PPP1R9A: variants seen among roughly 807,000 people sequenced by gnomAD.
The protein encoded by PPP1R9A is neurabin-1.
PPP1R9A carries 59 observed loss-of-function variants against 141.9 expected under a neutral mutation model. The observed-to-expected ratio is 0.42, with a 90% CI of 0.34 to 0.52. The LOEUF is 0.52. Ranked by LOEUF, PPP1R9A falls within the 20% of genes least tolerant of loss-of-function variation. PPP1R9A has a pLI of 0.10. For missense variants in PPP1R9A, 1,444 were observed against 1,611.9 expected, an observed-to-expected ratio of 0.90 and a Z score of 1.78; for synonymous variants, 500 against 569.7, an observed-to-expected ratio of 0.88 and a Z score of 1.74.
chr7:94,910,268 A>T lies in PPP1R9A; in HGVS notation c.155A>T (p.Gln52Leu), dbSNP rs539662693. The change falls in exon 2 of 20, where the codon CAG (glutamine) becomes CTG (leucine). Residue 52 changes from glutamine (Q) to leucine (L), a missense_variant. This residue lies in a region of PPP1R9A where 490 missense variants were observed against 521.1 expected (regional missense o/e 0.94). Coordinates refer to ENST00000433360, the MANE Select transcript of PPP1R9A (RefSeq NM_001166160.2). The surrounding 1 kb of genome is among the most constrained non-coding windows in gnomAD (Gnocchi z 4.5). ...AAAACAAAAGAAGGTGAGGGCTCCCAGCAGAGCAGGGGGAGGAAATATGGC... is the reference window on the plus strand; with the variant it reads ...AAAACAAAAGAAGGTGAGGGCTCCCTGCAGAGCAGGGGGAGGAAATATGGC... ...EQKTKEGEGS[Q>L]QSRGRKYGSN... 74 of 1,614,156 alleles carry T rather than the reference A, an allele frequency of 4.6e-5. 1 individual carries two copies. In the East Asian group the frequency reaches 1.6e-3, roughly 35 times the overall value.
intron 2 of PPP1R9A, among the ~76,000 whole-genome samples, chr7:95,013,682 G>A (rs1176336941): frequency 1.3e-5 from 2 of 152,056 alleles, no homozygotes; most frequent in African/African-American, 2.4e-5. Context: ...ATTAGTGCTT[G>A]TGCTTATTAA....
At chr7:95,144,750 A>T (rs1332484948) in intron 4 of PPP1R9A, among the ~76,000 whole-genome samples, 1 of 152,232 alleles carries the variant, frequency 6.6e-6, no homozygotes, top group Admixed American at 6.5e-5. Context: ...GACAAGAAAA[A>T]GAAGTAAAAG....
In PPP1R9A at chr7:95,295,925, C is replaced by T. The variant is rs985959943; in HGVS notation, c.*5622C>T. The T allele has an allele frequency of 2.0e-5, 3 of 152,568 alleles. No homozygotes were observed. The highest frequency in any genetic ancestry group is 4.4e-5 in the Non-Finnish European group (3 of 68,008). The allele number at this position is 152,568 out of a possible 1,614,324, so 9.5% of individuals were successfully genotyped here. ...ATATTTTTTAATGGTGTTGCAACCACTTGTACACCTGCTACACCTTACTGA... is the reference window on the plus strand; with the variant it reads ...ATATTTTTTAATGGTGTTGCAACCATTTGTACACCTGCTACACCTTACTGA... On this transcript the variant is annotated 3_prime_UTR_variant, in exon 20 of 20. Coordinates refer to ENST00000433360, the MANE Select transcript of PPP1R9A (RefSeq NM_001166160.2).
intron 2 of PPP1R9A, among the ~76,000 whole-genome samples, chr7:94,945,879 T>C (rs1465930807): frequency 2.0e-5 from 3 of 152,066 alleles, no homozygotes; most frequent in Non-Finnish European, 4.4e-5. Flanking sequence ...TTTAATATAC[T>C]TTACTAGATC....
chr7:95,263,934 T>G (rs1800846025), intron 12 of PPP1R9A, among the ~76,000 whole-genome samples: 1 of 152,178 alleles, frequency 6.6e-6, no homozygotes. Flanking sequence ...ATATATAATC[T>G]TCATAGCAAT....
At chr7:94,932,934 T>G in intron 2 of PPP1R9A, among the ~76,000 whole-genome samples, 1 of 152,074 alleles carries the variant, frequency 6.6e-6, no homozygotes, top group East Asian at 1.9e-4. Context: ...ACTAAAGATG[T>G]GACTATATGA....
intron 2 of PPP1R9A, among the ~76,000 whole-genome samples, chr7:94,915,928 G>A (rs1159772539): frequency 2.6e-5 from 4 of 152,214 alleles, no homozygotes; most frequent in Admixed American, 2.6e-4. Context: ...GGTGTCTTCA[G>A]TAGATGACTG....
chr7:94,923,093 T>C (rs1415525988), intron 2 of PPP1R9A, among the ~76,000 whole-genome samples: 1 of 152,194 alleles, frequency 6.6e-6, no homozygotes, highest in Admixed American at 6.5e-5. Context: ...TGCATATTTC[T>C]TAAACCTTGG....
At chr7:95,274,016 C>T in intron 15 of PPP1R9A, 30 bp downstream of exon 15, 1 of 1,498,626 alleles carries the variant, frequency 6.7e-7, no homozygotes, top group South Asian at 1.2e-5. Context: ...AAAAGAAAGC[C>T]CTCTGTAAAA....
At chr7:94,960,020 G>A (rs1021366523) in intron 2 of PPP1R9A, among the ~76,000 whole-genome samples, 2 of 151,618 alleles carry the variant, frequency 1.3e-5, no homozygotes, top group Non-Finnish European at 3.0e-5. Context: ...GCTTCACCAT[G>A]TGGTCTATAC....
chr7:94,927,724 A>T (rs908648628), intron 2 of PPP1R9A, among the ~76,000 whole-genome samples: 1 of 152,198 alleles, frequency 6.6e-6, no homozygotes, highest in African/African-American at 2.4e-5. Context: ...AGAAGTAAAC[A>T]TTTGTAGGAT....
chr7:95,284,467 T>A (rs942636583), intron 17 of PPP1R9A, 137 bp downstream of exon 17: 3 of 884,736 alleles, frequency 3.4e-6, no homozygotes. Context: ...TTTCACATAT[T>A]GCTATTTAAT....
chr7:95,200,453 T>A (rs79277530), intron 6 of PPP1R9A, among the ~76,000 whole-genome samples: 2,451 of 118,484 alleles, frequency 0.021, 23 homozygotes, highest in South Asian at 0.025. Flanking sequence ...AAAAAAAAAA[T>A]TTTTTTTTTA....
chr7:95,221,239 C>G (rs1794409342), intron 7 of PPP1R9A, among the ~76,000 whole-genome samples: 1 of 152,136 alleles, frequency 6.6e-6, no homozygotes, highest in Admixed American at 6.6e-5. Flanking sequence ...CACCATCTAA[C>G]TTAATCTTAT....
chr7:95,151,034 A>G (rs1828570917), intron 4 of PPP1R9A, among the ~76,000 whole-genome samples: 1 of 152,246 alleles, frequency 6.6e-6, no homozygotes, highest in Non-Finnish European at 1.5e-5. Context: ...ATGTAGAGCA[A>G]TAAGGTGTCT....
At chr7:95,077,134 C>G (rs1235790199) in intron 2 of PPP1R9A, among the ~76,000 whole-genome samples, 1 of 151,948 alleles carries the variant, frequency 6.6e-6, no homozygotes, top group East Asian at 1.9e-4. Flanking sequence ...TTTTCTTTCC[C>G]TCAAATATCT....
chr7:95,071,643 T>C (rs1013692060), intron 2 of PPP1R9A, among the ~76,000 whole-genome samples: 2 of 151,976 alleles, frequency 1.3e-5, no homozygotes, highest in African/African-American at 4.8e-5. Context: ...GCTGATTATC[T>C]AGTAGTTTTA....
chr7:95,227,322 T>C (rs1223545318), intron 8 of PPP1R9A, among the ~76,000 whole-genome samples: 2 of 152,154 alleles, frequency 1.3e-5, no homozygotes, highest in Admixed American at 6.5e-5. Context: ...TAGTCTTTGG[T>C]AGATAATTGA....
intron 4 of PPP1R9A, among the ~76,000 whole-genome samples, chr7:95,142,301 T>A (rs1211036145): frequency 6.6e-6 from 1 of 152,092 alleles, no homozygotes; most frequent in Non-Finnish European, 1.5e-5. Flanking sequence ...AACTTATGAG[T>A]TGCCTTTTCA....
Sources: gnomAD v4.1 joint callset for allele counts (sites outside exome capture counted in the v4.1 genomes callset) on GRCh38, gnomAD v4.1.1 for gene constraint, gnomAD v4.1.1 regional missense constraint, Gnocchi (gnomAD v3.1) non-coding constraint, MANE v1.5 for transcripts, NCBI Gene and HGNC (gene_info 2026-07-23, HGNC 2026-07-21) for gene names.